Variants in PCDHGA4 observed in about 807,000 individuals in gnomAD.
PCDHGA4 encodes protocadherin gamma-A4.
A neutral mutation model predicts 54.6 loss-of-function variants in PCDHGA4; 38 were observed. The observed-to-expected ratio is 0.70, with a 90% CI of 0.54 to 0.91. PCDHGA4 has a LOEUF of 0.91. Among genes scored for constraint, PCDHGA4 ranks in the 40% least tolerant of loss-of-function variants. The pLI is 0.00. For synonymous variants in PCDHGA4, 511 were observed against 512.9 expected (o/e 1.00, Z 0.05); for missense variants, 1,298 against 1,220.9 (o/e 1.06, Z -0.94).
intron 1 of PCDHGA4, chr5:141,418,857 T>G (rs1378155402): frequency 6.2e-7 from 1 of 1,613,988 alleles, no homozygotes; most frequent in South Asian, 1.1e-5. Context: ...CGGTGTAAAG[T>G]AATTGTAGAA....
intron 1 of PCDHGA4, chr5:141,427,255 G>C (rs1369151995): frequency 2.2e-6 from 1 of 456,746 alleles, no homozygotes; most frequent in Non-Finnish European, 4.4e-6. Flanking sequence ...GATGGTGGAG[G>C]CATGACCAGC....
In PCDHGA4 at chr5:141,386,663, G is replaced by T. The variant is rs532080624; in HGVS notation, c.2514+29042G>T. On this transcript the variant is annotated intron_variant, in intron 1 of 3. Transcript: ENST00000571252. ...GGATACATTTTACAAGTTCTGCAGT[G>T]TTCACATTTCAGATGTACAATCACT... Among the ~76,000 whole-genome samples, 44 of 152,044 alleles carry T rather than the reference G, an allele frequency of 2.9e-4. No homozygotes were observed. In the South Asian group the frequency reaches 5.4e-3, roughly 19 times the overall value.
intron 1 of PCDHGA4, chr5:141,408,186 G>A (rs529140572): frequency 1.7e-4 from 266 of 1,542,242 alleles, no homozygotes; most frequent in Non-Finnish European, 2.2e-4. Flanking sequence ...GGGACCCAGC[G>A]AGAACCCGAG....
chr5:141,363,424 C>T (rs1226376844), intron 1 of PCDHGA4, among the ~76,000 whole-genome samples: 1 of 152,126 alleles, frequency 6.6e-6, no homozygotes, highest in Non-Finnish European at 1.5e-5. Context: ...ATATCTGTCT[C>T]AACATAGAAA....
chr5:141,502,470 G>A (rs1017558920), intron 2 of PCDHGA4, among the ~76,000 whole-genome samples: 5 of 150,916 alleles, frequency 3.3e-5, no homozygotes, highest in Admixed American at 2.6e-4. Flanking sequence ...AATACTTCCC[G>A]CAGCATCACA....
intron 2 of PCDHGA4, among the ~76,000 whole-genome samples, chr5:141,500,501 G>A (rs571735791): frequency 1.3e-5 from 2 of 152,058 alleles, no homozygotes; most frequent in Non-Finnish European, 2.9e-5. Context: ...GAGCCACCGC[G>A]CCTGGCCGAG....
At position 141,421,932 on chromosome 5, in the gene PCDHGA4, T is replaced by C. The variant is rs747598404; in HGVS notation, c.2514+64311T>C. On this transcript the variant is annotated intron_variant, in intron 1 of 3. Transcript: ENST00000571252. The stretch of plus-strand genomic sequence containing the variant: ...TTCCCATTCGTGTGGTGGTCCTCGA[T>C]GTAAATGATCACATCCCAATGTTTA... 3 of 1,613,588 alleles carry C rather than the reference T, an allele frequency of 1.9e-6. No individual in the cohort carries two copies. The East Asian group carries it at 6.7e-5, about 36-fold the overall frequency.
intron 1 of PCDHGA4, chr5:141,360,663 G>A: frequency 6.2e-7 from 1 of 1,613,928 alleles, no homozygotes; most frequent in South Asian, 1.1e-5. Context: ...ATGACAACGA[G>A]TACTTTGATC....
intron 1 of PCDHGA4, chr5:141,428,236 G>T: frequency 5.8e-6 from 6 of 1,027,096 alleles, no homozygotes; most frequent in Non-Finnish European, 8.9e-6. Flanking sequence ...CAGCCTGCAG[G>T]AGGCACTGCC....
At chr5:141,404,776 A>G (rs2094566348) in intron 1 of PCDHGA4, 1 of 1,612,952 alleles carries the variant, frequency 6.2e-7, no homozygotes, top group Non-Finnish European at 8.5e-7. Flanking sequence ...CCTACCGCCT[A>G]TTCAAGGCCA....
At chr5:141,479,063 A>G (rs1476826751) in intron 1 of PCDHGA4, among the ~76,000 whole-genome samples, 1 of 152,204 alleles carries the variant, frequency 6.6e-6, no homozygotes, top group African/African-American at 2.4e-5. Context: ...ATAATTTTTT[A>G]TGAATGAAAT....
At chr5:141,384,574 C>T in intron 1 of PCDHGA4, 1 of 1,614,228 alleles carries the variant, frequency 6.2e-7, no homozygotes, top group Non-Finnish European at 8.5e-7. Flanking sequence ...GAATGACAAC[C>T]CGCCCGAGAT....
intron 1 of PCDHGA4, chr5:141,404,124 C>G: frequency 1.2e-6 from 2 of 1,613,272 alleles, no homozygotes; most frequent in Non-Finnish European, 1.7e-6. Flanking sequence ...GAGAATCTAT[C>G]TTTTACATTA....
intron 1 of PCDHGA4, among the ~76,000 whole-genome samples, chr5:141,494,072 C>G (rs2099751672): frequency 6.6e-6 from 1 of 152,160 alleles, no homozygotes; most frequent in Non-Finnish European, 1.5e-5. Flanking sequence ...CTGGATCCCT[C>G]CCCGCTGCAT....
At chr5:141,414,936 G>T in intron 1 of PCDHGA4, 1 of 1,614,118 alleles carries the variant, frequency 6.2e-7, no homozygotes, top group South Asian at 1.1e-5. Context: ...GCTCCGCAGA[G>T]CCCGGCTACC....
intron 1 of PCDHGA4, chr5:141,409,268 A>G (rs753457286): frequency 1.5e-5 from 24 of 1,613,896 alleles, no homozygotes; most frequent in Non-Finnish European, 2.0e-5. Context: ...CTCTGATCAG[A>G]TTTTGGAGAA....
At position 141,360,986 on chromosome 5, in the gene PCDHGA4, T is replaced by C. The variant is rs540455461; in HGVS notation, c.2514+3365T>C. 1.9e-6 allele frequency: 3 copies of C among 1,613,732 alleles called. No homozygotes were observed. In the South Asian group the frequency reaches 3.3e-5, roughly 18 times the overall value. On this transcript the variant is annotated intron_variant, in intron 1 of 3. Transcript: ENST00000571252. ...GAGATCACCTACTCCTTTCATAATG[T>C]GGACGAACAAGTGAAACACTTTTTC... is the stretch of plus-strand genomic sequence containing the variant.
Position 141,387,188 on chromosome 5 carries a change from A to AT in PCDHGA4, c.2514+29571dup, listed in dbSNP as rs756053244. On this transcript the variant is annotated intron_variant, in intron 1 of 3. Transcript: ENST00000571252. ...TATAAATTGCACCTTCTAAAAGGCA[A>AT]TTTTGGTATTACTGATACTCTCCGG... is the stretch of plus-strand genomic sequence containing the variant. Among the ~76,000 whole-genome samples the AT allele has an allele frequency of 1.8e-3, 273 of 152,232 alleles. 6 individuals carry two copies. Among genetic ancestry groups the AT allele is most frequent in the Non-Finnish European group, 6.8e-4 (46 of 68,046 alleles).
chr5:141,482,740 G>A (rs1288861437), intron 1 of PCDHGA4, among the ~76,000 whole-genome samples: 1 of 127,398 alleles, frequency 7.8e-6, no homozygotes, highest in African/African-American at 3.6e-5. Context: ...GAAATTCCAT[G>A]CAGAGGGATT....
Sources: allele counts gnomAD v4.1 joint callset (sites outside exome capture counted in the v4.1 genomes callset), GRCh38; gene constraint gnomAD v4.1.1; transcripts MANE v1.5; gene names NCBI Gene and HGNC (gene_info 2026-07-23, HGNC 2026-07-21).